PPARG: variants seen among roughly 807,000 people sequenced by gnomAD.
PPARG encodes the protein peroxisome proliferator activated receptor gamma.
PPARG carries 17 observed loss-of-function variants against 39.2 expected under a neutral mutation model. The ratio of observed to expected loss-of-function variants is 0.43; its 90% confidence interval spans 0.30 to 0.65. The LOEUF (loss-of-function observed/expected upper bound fraction) is 0.65. Ranked by LOEUF, PPARG falls within the 30% of genes least tolerant of loss-of-function variation. The pLI, the probability that PPARG is intolerant of heterozygous loss-of-function variation, is 0.13. For synonymous variants in PPARG, 223 were observed against 215.7 expected (o/e 1.03, Z -0.30); for missense variants, 406 against 585.9 (o/e 0.69, Z 3.17).
intron 7 of PPARG, among the ~76,000 whole-genome samples, chr3:12,428,328 G>A (rs2051530155): frequency 6.6e-6 from 1 of 152,230 alleles, no homozygotes; most frequent in Non-Finnish European, 1.5e-5. Context: ...TCACAGCCTG[G>A]GGAGTAGGGA....
intron 5 of PPARG, among the ~76,000 whole-genome samples, chr3:12,404,347 G>C (rs4135277): frequency 8.5e-4 from 129 of 152,274 alleles, no homozygotes; most frequent in Middle Eastern, 6.8e-3. Context: ...AATTTATTTA[G>C]GGTCAATGGA....
At chr3:12,313,442 T>C (rs868854315) in intron 2 of PPARG, among the ~76,000 whole-genome samples, 65 of 152,256 alleles carry the variant, frequency 4.3e-4, no homozygotes, top group African/African-American at 1.3e-3. Context: ...TTTTTGGGCA[T>C]ATAGGTGATG....
chr3:12,417,048 T>C lies in PPARG; in HGVS notation c.1074T>C (p.Phe358=). 3 of 1,613,144 alleles carry C rather than the reference T, an allele frequency of 1.9e-6. No individual in the cohort carries two copies. Among genetic ancestry groups the C allele is most frequent in the Non-Finnish European group, 2.5e-6 (3 of 1,179,360 alleles). ...TTCTAAAGAGCCTGCGAAAGCCTTT[T>C]GGTGACTTTATGGAGCCCAAGTTTG... ...REFLKSLRKP[F]GDFMEPKFEF... The change falls in exon 7 of 8, where the codon TTT becomes TTC. Residue 358 remains phenylalanine, a synonymous_variant. Transcript: ENST00000651735.
chr3:12,309,529 G>T lies in PPARG; in HGVS notation c.-82-2851G>T, dbSNP rs542964978. On this transcript the variant is annotated intron_variant, in intron 1 of 7. Transcript: ENST00000651735. ...TCTGTTGTCAGGTTTTAATATCAGTGTTATGACACTCCAGAAAAGTTAATT... is the reference window on the plus strand; with the variant it reads ...TCTGTTGTCAGGTTTTAATATCAGTTTTATGACACTCCAGAAAAGTTAATT... Among the ~76,000 whole-genome samples, 6 of 152,242 alleles carry T rather than the reference G, an allele frequency of 3.9e-5. No individual in the cohort carries two copies. The Middle Eastern group carries it at 0.014, about 345-fold the overall frequency.
At chr3:12,420,185 C>T (rs1332883505) in intron 7 of PPARG, among the ~76,000 whole-genome samples, 1 of 152,224 alleles carries the variant, frequency 6.6e-6, no homozygotes. Flanking sequence ...TTCAAAGGTA[C>T]TTAGTTTCTA....
chr3:12,393,740 A>G (rs1326375882), intron 5 of PPARG, among the ~76,000 whole-genome samples: 1 of 152,080 alleles, frequency 6.6e-6, no homozygotes, highest in Non-Finnish European at 1.5e-5. Flanking sequence ...GGCAGTCTTC[A>G]TCTATATGTA....
intron 2 of PPARG, among the ~76,000 whole-genome samples, chr3:12,349,412 A>T (rs1277534355): frequency 6.6e-6 from 1 of 152,252 alleles, no homozygotes; most frequent in Non-Finnish European, 1.5e-5. Context: ...TTAACATAAA[A>T]TATGATTAAA....
At chr3:12,347,314 G>A (rs572396846) in intron 2 of PPARG, among the ~76,000 whole-genome samples, 7 of 152,106 alleles carry the variant, frequency 4.6e-5, no homozygotes, top group African/African-American at 1.2e-4. Flanking sequence ...GCAAGACCCC[G>A]GTCAAAAATT....
At chr3:12,323,432 G>A (rs1275752519) in intron 2 of PPARG, among the ~76,000 whole-genome samples, 10 of 151,162 alleles carry the variant, frequency 6.6e-5, no homozygotes, top group African/African-American at 1.7e-4. Context: ...GAAGTTGAGC[G>A]TTTGGAGAGA....
intron 1 of PPARG, among the ~76,000 whole-genome samples, chr3:12,291,477 A>C (rs1475511994): frequency 6.6e-6 from 1 of 152,150 alleles, no homozygotes; most frequent in African/African-American, 2.4e-5. Context: ...GTTCTTACTT[A>C]CTGTTTGCGT....
At chr3:12,390,370 T>A (rs1199992113) in intron 4 of PPARG, among the ~76,000 whole-genome samples, 4 of 152,076 alleles carry the variant, frequency 2.6e-5, no homozygotes, top group Non-Finnish European at 5.9e-5. Flanking sequence ...TAGCAAAAAA[T>A]TGATATTTCA....
intron 7 of PPARG, among the ~76,000 whole-genome samples, chr3:12,419,014 G>A (rs2051171336): frequency 1.3e-5 from 2 of 151,978 alleles, no homozygotes; most frequent in Non-Finnish European, 2.9e-5. Flanking sequence ...GCACAATCTC[G>A]GCTCACTGCA....
intron 2 of PPARG, among the ~76,000 whole-genome samples, chr3:12,333,791 G>A (rs2047930812): frequency 6.6e-6 from 1 of 152,184 alleles, no homozygotes; most frequent in African/African-American, 2.4e-5. Context: ...ATTAGTGACT[G>A]AGGTTCTGTT....
intron 2 of PPARG, among the ~76,000 whole-genome samples, chr3:12,340,925 C>G (rs1356351509): frequency 2.0e-5 from 3 of 152,174 alleles, no homozygotes; most frequent in Non-Finnish European, 4.4e-5. Context: ...TGGCTCACAC[C>G]TATAATCCCA....
chr3:12,381,735 A>C (rs2049670246), intron 4 of PPARG, among the ~76,000 whole-genome samples: 1 of 107,464 alleles, frequency 9.3e-6, no homozygotes, highest in Non-Finnish European at 1.9e-5. Context: ...AGCCTAAGAA[A>C]GTGGATAAAA....
At chr3:12,430,347 G>A (rs1054272417) in intron 7 of PPARG, among the ~76,000 whole-genome samples, 6 of 152,194 alleles carry the variant, frequency 3.9e-5, no homozygotes, top group South Asian at 4.1e-4. Context: ...GGTTCAGAAC[G>A]TAGTCTCTGC....
chr3:12,331,736 A>G (rs114881042), intron 2 of PPARG, among the ~76,000 whole-genome samples: 1 of 152,326 alleles, frequency 6.6e-6, no homozygotes, highest in Non-Finnish European at 1.5e-5. Flanking sequence ...TTAAAAGGAC[A>G]TGGCGATTGG....
At chr3:12,310,791 TAAAAAA>T (rs761238501) in intron 1 of PPARG, among the ~76,000 whole-genome samples, 8 of 50,358 alleles carry the variant, frequency 1.6e-4, no homozygotes, top group Admixed American at 3.8e-4. Flanking sequence ...GCCTTAAATG[TAAAAAA>T]AAAAAAAAAA....
At chr3:12,332,961 G>A (rs1282106765) in intron 2 of PPARG, among the ~76,000 whole-genome samples, 10 of 152,124 alleles carry the variant, frequency 6.6e-5, no homozygotes, top group Non-Finnish European at 1.5e-5. Context: ...AGCCCGGGAG[G>A]TCCAGGCTCC....
Sources: allele counts gnomAD v4.1 joint callset (sites outside exome capture counted in the v4.1 genomes callset), GRCh38; gene constraint gnomAD v4.1.1; transcripts MANE v1.5; gene names NCBI Gene and HGNC (gene_info 2026-07-23, HGNC 2026-07-21).